Variants in DYRK1A observed in about 807,000 individuals in gnomAD.
DYRK1A encodes the protein dual specificity tyrosine phosphorylation regulated kinase 1A.
A neutral mutation model predicts 79.7 loss-of-function variants in DYRK1A; 9 were observed. That is an observed-to-expected ratio of 0.11 (90% CI 0.07 to 0.20). The LOEUF (loss-of-function observed/expected upper bound fraction) is 0.20. DYRK1A is among the 10% of genes least tolerant of loss of function. The probability of loss-of-function intolerance (pLI) is 1.00; values close to 1 mark genes in which losing one functional copy is unlikely to be tolerated. For missense variants in DYRK1A, 622 were observed against 956.0 expected (o/e 0.65, Z 4.61); for synonymous variants, 349 against 329.7 (o/e 1.06, Z -0.63).
chr21:37,380,602 TACAG>T (rs2148369344), intron 1 of DYRK1A, among the ~76,000 whole-genome samples: 1 of 152,022 alleles, frequency 6.6e-6, no homozygotes, highest in South Asian at 2.1e-4. Flanking sequence ...AAGACAAAGA[TACAG>T]ACATGCAAAG....
intron 9 of DYRK1A, among the ~76,000 whole-genome samples, chr21:37,497,556 A>G (rs2053310550): frequency 6.6e-6 from 1 of 152,196 alleles, no homozygotes; most frequent in East Asian, 1.9e-4. Context: ...TTGAATTAGC[A>G]TGGAGAGGAA....
chr21:37,426,939 A>G (rs1029522011), intron 2 of DYRK1A, among the ~76,000 whole-genome samples: 30 of 146,842 alleles, frequency 2.0e-4, no homozygotes, highest in Non-Finnish European at 3.9e-4. Context: ...AAAAAAAGAG[A>G]TGAATAACCA....
chr21:37,478,452 A>G (rs1348698690), intron 4 of DYRK1A, 152 bp downstream of exon 4: 4 of 608,806 alleles, frequency 6.6e-6, no homozygotes, highest in African/African-American at 5.6e-5. Flanking sequence ...TAATATTACA[A>G]TTATGTAAAA....
chr21:37,379,567 T>G (rs1409576921), intron 1 of DYRK1A, among the ~76,000 whole-genome samples: 1 of 152,196 alleles, frequency 6.6e-6, no homozygotes, highest in Non-Finnish European at 1.5e-5. Context: ...AGTTCAGACC[T>G]TACATTAGGG....
At chr21:37,464,085 C>T (rs933641387) in intron 2 of DYRK1A, among the ~76,000 whole-genome samples, 2 of 152,096 alleles carry the variant, frequency 1.3e-5, no homozygotes, top group East Asian at 3.8e-4. Flanking sequence ...AGTAGAGCTA[C>T]GTGTGGGTTA....
intron 2 of DYRK1A, among the ~76,000 whole-genome samples, chr21:37,469,941 C>A (rs948785532): frequency 6.6e-6 from 1 of 152,068 alleles, no homozygotes; most frequent in Non-Finnish European, 1.5e-5. Context: ...GTCAGGAGAT[C>A]GAGACCATCC....
intron 4 of DYRK1A, among the ~76,000 whole-genome samples, chr21:37,478,677 T>G (rs919210603): frequency 9.8e-5 from 15 of 152,310 alleles, no homozygotes; most frequent in African/African-American, 3.6e-4. Context: ...TTTTATATAT[T>G]TGTTTCTGCT....
At chr21:37,413,454 G>A (rs1457239418) in intron 1 of DYRK1A, among the ~76,000 whole-genome samples, 1 of 152,138 alleles carries the variant, frequency 6.6e-6, no homozygotes, top group Non-Finnish European at 1.5e-5. Context: ...AACATCCTGT[G>A]TGGAAAAGTT....
At chr21:37,510,072 A>G (rs1299010282) in intron 11 of DYRK1A, among the ~76,000 whole-genome samples, 6 of 152,202 alleles carry the variant, frequency 3.9e-5, no homozygotes, top group Non-Finnish European at 8.8e-5. Flanking sequence ...CTGCAGTTTC[A>G]GGCATCCAGT....
intron 1 of DYRK1A, among the ~76,000 whole-genome samples, chr21:37,396,105 C>G (rs775198836): frequency 2.6e-5 from 4 of 152,116 alleles, no homozygotes; most frequent in Non-Finnish European, 5.9e-5. Flanking sequence ...GGGTGGACCA[C>G]AGGTCCCTGT....
chr21:37,508,465 G>A (rs1217900783), intron 11 of DYRK1A, among the ~76,000 whole-genome samples: 1 of 152,058 alleles, frequency 6.6e-6, no homozygotes, highest in East Asian at 1.9e-4. Context: ...TTTTGTATTT[G>A]TAGTAGAGAC....
rs1283470724 is a variant in DYRK1A, at chr21:37,504,012, G to C, written c.1213-1271G>C. The stretch of plus-strand genomic sequence containing the variant: ...TAAGAACAGTTAAAGATGGAAGTGA[G>C]TCATATTTTCCCTCAGAAAGAGGCC... On this transcript the variant is annotated intron_variant, in intron 9 of 11. Transcript: ENST00000647188. 3 of 152,294 alleles carry C rather than the reference G, an allele frequency of 2.0e-5. No individual in the cohort carries two copies. In the East Asian group the frequency reaches 5.8e-4, roughly 29 times the overall value. The allele number at this position is 152,294 out of a possible 1,614,324, so 9.4% of individuals were successfully genotyped here.
chr21:37,387,337 C>CT (rs1212486026), intron 1 of DYRK1A, among the ~76,000 whole-genome samples: 1 of 152,118 alleles, frequency 6.6e-6, no homozygotes, highest in Admixed American at 6.5e-5. Flanking sequence ...TTAATTATGA[C>CT]TAAGTTTTGT....
chr21:37,476,367 A>G (rs1207167909), intron 3 of DYRK1A, among the ~76,000 whole-genome samples: 3 of 152,178 alleles, frequency 2.0e-5, no homozygotes, highest in African/African-American at 7.2e-5. Flanking sequence ...TGCTACTGTT[A>G]TTGTTACTTT....
chr21:37,481,441 G>A (rs2052637439), intron 5 of DYRK1A: 1 of 152,118 alleles, frequency 6.6e-6, no homozygotes, highest in African/African-American at 2.4e-5. Flanking sequence ...ACCCAGGCTG[G>A]AGTGCAGTGG....
In DYRK1A at chr21:37,525,890, T is replaced by C. The variant is rs992539180; in HGVS notation, c.*13359T>C. The stretch of plus-strand genomic sequence containing the variant: ...GATTGAAATTTTTCTGAATGAGAAC[T>C]GCCCCGAACCACCGTTACTAAACAC... On this transcript the variant is annotated 3_prime_UTR_variant, in exon 12 of 12. Coordinates refer to ENST00000647188, the MANE Select transcript of DYRK1A (RefSeq NM_001347721.2). 1.3e-5 allele frequency: 2 copies of C among 152,210 alleles called. No individual in the cohort carries two copies. The highest frequency in any genetic ancestry group is 2.4e-5 in the African/African-American group (1 of 41,464). The allele number at this position is 152,210 out of a possible 1,614,324, so 9.4% of individuals were successfully genotyped here. A position where few individuals can be genotyped will look rare whatever the true frequency, so the allele number is the denominator to read the frequency against.
At position 37,512,772 on chromosome 21, in the gene DYRK1A, C is replaced by G. The variant is rs532465306; in HGVS notation, c.*241C>G. On this transcript the variant is annotated 3_prime_UTR_variant, in exon 12 of 12. Coordinates refer to ENST00000647188, the MANE Select transcript of DYRK1A (RefSeq NM_001347721.2). ...CAGAGGTATCCTCTTTTTGCTCCCC[C>G]ATTTTAACTTGCCACATCCCAGTCA... 4.2e-6 allele frequency: 2 copies of G among 478,452 alleles called. No homozygotes were observed. The highest frequency in any genetic ancestry group is 7.3e-6 in the Non-Finnish European group (2 of 273,418). 29.6% of individuals were successfully genotyped at this position (478,452 alleles called of 1,614,324 possible). A position where few individuals can be genotyped will look rare whatever the true frequency, so the allele number is the denominator to read the frequency against.
In DYRK1A at chr21:37,516,078, A is replaced by C. The variant is rs1056041279; in HGVS notation, c.*3547A>C. The C allele has an allele frequency of 1.3e-5, 2 of 152,188 alleles. No individual in the cohort carries two copies. Among genetic ancestry groups the C allele is most frequent in the African/African-American group, 4.8e-5 (2 of 41,446 alleles). The allele number at this position is 152,188 out of a possible 1,614,324, so 9.4% of individuals were successfully genotyped here. A position where few individuals can be genotyped will look rare whatever the true frequency, so the allele number is the denominator to read the frequency against. On this transcript the variant is annotated 3_prime_UTR_variant, in exon 12 of 12. Coordinates refer to ENST00000647188, the MANE Select transcript of DYRK1A (RefSeq NM_001347721.2). ...CCTTTGGGCCTGCCTTTATTTTGAT[A>C]GTCGCAGAATGCAGGTTCAGATGCG...
At chr21:37,417,547 T>TTC (rs2050379224) in intron 1 of DYRK1A, among the ~76,000 whole-genome samples, 1 of 71,318 alleles carries the variant, frequency 1.4e-5, no homozygotes, top group African/African-American at 4.9e-5. Flanking sequence ...TTTTTTTTTT[T>TTC]TTTTTTTACA....
Sources: gnomAD v4.1 joint callset for allele counts (sites outside exome capture counted in the v4.1 genomes callset) on GRCh38, gnomAD v4.1.1 for gene constraint, MANE v1.5 for transcripts, NCBI Gene and HGNC (gene_info 2026-07-23, HGNC 2026-07-21) for gene names.